The following AMD1 variants were observed in gnomAD, a reference collection of about 807,000 sequenced individuals.
AMD1 encodes the protein S-adenosylmethionine decarboxylase proenzyme.
In AMD1, 11 loss-of-function variants were observed where a neutral mutation model predicts 40.2. The ratio of observed to expected loss-of-function variants is 0.27; its 90% CI spans 0.17 to 0.45. The LOEUF (loss-of-function observed/expected upper bound fraction) is 0.45, where lower values mean the gene tolerates loss of function less well. Among genes scored for constraint, AMD1 ranks in the 20% least tolerant of loss-of-function variants. The pLI, the probability that AMD1 is intolerant of heterozygous loss-of-function variation, is 1.00. For synonymous variants in AMD1, 121 were observed against 130.8 expected (o/e 0.93, Z 0.51); for missense variants, 257 against 410.2 (o/e 0.63, Z 3.23).
the AMD1 span, among the ~76,000 whole-genome samples, chr6:110,853,222 G>A: frequency 9.2e-5 from 14 of 151,482 alleles, no homozygotes; most frequent in Non-Finnish European, 1.3e-4. Context: ...TCTAGGGTTC[G>A]AGCAATTCTC....
intron 2 of AMD1, chr6:110,888,611 CT>C (rs895245960): frequency 0.079 from 17,978 of 228,360 alleles, no homozygotes; most frequent in South Asian, 0.14. Context: ...TGGCCTCTCT[CT>C]TTTTTTTTTT....
At chr6:110,836,097 T>C in the AMD1 span, among the ~76,000 whole-genome samples, 1 of 151,408 alleles carries the variant, frequency 6.6e-6, no homozygotes, top group African/African-American at 2.4e-5. Context: ...TTATATATTC[T>C]CAAAGGGAAG....
At chr6:110,893,454 G>T (rs778882368) in intron 8 of AMD1, 22 bp from the exon 9 acceptor site, 2 of 1,612,842 alleles carry the variant, frequency 1.2e-6, no homozygotes, top group Middle Eastern at 1.7e-4. Flanking sequence ...AACACTAACG[G>T]TTATTTAATT....
chr6:110,828,259 C>A, the AMD1 span, among the ~76,000 whole-genome samples: 2 of 152,020 alleles, frequency 1.3e-5, no homozygotes, highest in African/African-American at 4.8e-5. Context: ...GGCGAAACCC[C>A]GTCTCTGCTA....
the AMD1 span, among the ~76,000 whole-genome samples, chr6:110,822,438 A>T: frequency 6.6e-6 from 1 of 152,170 alleles, no homozygotes; most frequent in Non-Finnish European, 1.5e-5. Context: ...CCAAGAAAAA[A>T]AAAGCCCAGG....
upstream of AMD1, chr6:110,874,690 A>G (rs1310705169): frequency 1.3e-5 from 2 of 155,458 alleles, no homozygotes; most frequent in South Asian, 1.8e-4. Flanking sequence ...GACAGGCGGC[A>G]GCAGCTATAG....
At chr6:110,874,338 AC>A (rs1480519340), upstream of AMD1, among the ~76,000 whole-genome samples, 7 of 152,122 alleles carry the variant, frequency 4.6e-5, no homozygotes, top group African/African-American at 1.7e-4. Flanking sequence ...ATGGCCAAGT[AC>A]CTCAGCAGTC....
the AMD1 span, among the ~76,000 whole-genome samples, chr6:110,818,754 T>G: frequency 2.6e-5 from 4 of 152,198 alleles, no homozygotes; most frequent in Admixed American, 6.5e-5. Flanking sequence ...GCCAGGCTGG[T>G]CTTGAACTCC....
chr6:110,829,190 C>T, the AMD1 span, among the ~76,000 whole-genome samples: 36 of 151,528 alleles, frequency 2.4e-4, no homozygotes, highest in African/African-American at 8.0e-4. Flanking sequence ...ACCCCTGTGC[C>T]GACCTCTTTA....
the AMD1 span, among the ~76,000 whole-genome samples, chr6:110,832,871 A>G: frequency 6.6e-6 from 1 of 152,132 alleles, no homozygotes; most frequent in Non-Finnish European, 1.5e-5. Flanking sequence ...CCCAGGCTGG[A>G]GAGCAGTGGC....
At chr6:110,867,407 G>A in the AMD1 span, among the ~76,000 whole-genome samples, 2 of 152,098 alleles carry the variant, frequency 1.3e-5, no homozygotes, top group African/African-American at 4.8e-5. Context: ...GCTCACACCT[G>A]TAATCCCAGC....
chr6:110,858,638 A>G, the AMD1 span: 1 of 1,352,474 alleles, frequency 7.4e-7, no homozygotes, highest in Non-Finnish European at 1.0e-6. Context: ...GGCCAGGACT[A>G]AGGGGCTGCA....
chr6:110,831,508 T>A, the AMD1 span, among the ~76,000 whole-genome samples: 1 of 152,098 alleles, frequency 6.6e-6, no homozygotes, highest in African/African-American at 2.4e-5. Context: ...TTGCCCAGAC[T>A]GGTCTCTAAC....
chr6:110,836,463 A>G, the AMD1 span, among the ~76,000 whole-genome samples: 12 of 152,232 alleles, frequency 7.9e-5, no homozygotes, highest in African/African-American at 2.7e-4. Context: ...ACAACAGTAT[A>G]TAGATAACAG....
At chr6:110,890,448 A>G (rs1458512676) in intron 4 of AMD1, 92 bp downstream of exon 4, 2 of 925,456 alleles carry the variant, frequency 2.2e-6, no homozygotes, top group Non-Finnish European at 3.4e-6. Context: ...ACTTATGCAT[A>G]TATAGCATTC....
intron 1 of AMD1, among the ~76,000 whole-genome samples, chr6:110,886,621 C>T (rs997164234): frequency 1.2e-4 from 19 of 152,110 alleles, no homozygotes; most frequent in African/African-American, 4.3e-4. Context: ...ATATTTCTGG[C>T]AAACAGCTGG....
upstream of AMD1, among the ~76,000 whole-genome samples, chr6:110,871,203 G>T (rs1376028935): frequency 6.6e-6 from 1 of 152,164 alleles, no homozygotes; most frequent in African/African-American, 2.4e-5. Context: ...GAAACCCCTG[G>T]AGAATTTTAA....
At chr6:110,859,232 C>A in the AMD1 span, 1 of 528,964 alleles carries the variant, frequency 1.9e-6, no homozygotes, top group Non-Finnish European at 3.3e-6. Context: ...TTTTCTTAAC[C>A]TGTTCAGTGC....
At chr6:110,851,653 G>T in the AMD1 span, among the ~76,000 whole-genome samples, 1 of 151,918 alleles carries the variant, frequency 6.6e-6, no homozygotes, top group Non-Finnish European at 1.5e-5. Flanking sequence ...GTAGAGACAG[G>T]GTTTCTCCAT....
Sources: gnomAD v4.1 joint callset for allele counts (sites outside exome capture counted in the v4.1 genomes callset) on GRCh38, gnomAD v4.1.1 for gene constraint, MANE v1.5 for transcripts, NCBI Gene and HGNC (gene_info 2026-07-23, HGNC 2026-07-21) for gene names.